The following DGCR2 variants were observed in gnomAD, a reference collection of about 807,000 sequenced individuals.
The protein encoded by DGCR2 is integral membrane protein DGCR2/IDD.
In DGCR2, 24 loss-of-function variants were observed where a neutral mutation model predicts 51.6. The observed-to-expected ratio is 0.47, with a 90% CI of 0.34 to 0.65. The LOEUF (loss-of-function observed/expected upper bound fraction) is 0.65, where lower values mean the gene tolerates loss of function less well. Ranked by LOEUF, DGCR2 falls within the 30% of genes least tolerant of loss-of-function variation. The pLI is 0.01. For missense variants in DGCR2, 765 were observed against 772.1 expected (o/e 0.99, Z 0.11); for synonymous variants, 340 against 315.4 (o/e 1.08, Z -0.82).
Position 19,102,249 on chromosome 22 carries a change from GT to G in DGCR2, c.80-12760del, listed in dbSNP as rs540036944. ...TTTAATAAGGATGGAAAGTAGAATG[GT>G]GGTTGCCAAGGACTAGGGGTGAGGA... On this transcript the variant is annotated intron_variant, in intron 1 of 9. Transcript: ENST00000263196. Among the ~76,000 whole-genome samples the G allele has an allele frequency of 6.5e-3, 993 of 152,310 alleles. 4 individuals are homozygous for G. The highest frequency in any genetic ancestry group is 0.011 in the Non-Finnish European group (745 of 68,026).
intron 1 of DGCR2, among the ~76,000 whole-genome samples, chr22:19,104,608 C>T (rs146812112): frequency 2.0e-5 from 3 of 152,286 alleles, no homozygotes; most frequent in Non-Finnish European, 2.9e-5. Context: ...CTACTCACAG[C>T]CCACTAAGAT....
At chr22:19,101,306 G>C (rs921933425) in intron 1 of DGCR2, among the ~76,000 whole-genome samples, 1 of 152,210 alleles carries the variant, frequency 6.6e-6, no homozygotes, top group African/African-American at 2.4e-5. Flanking sequence ...CCAAGAGGCA[G>C]AGACAACCCA....
intron 1 of DGCR2, among the ~76,000 whole-genome samples, chr22:19,105,893 G>A (rs1022812755): frequency 6.6e-6 from 1 of 151,580 alleles, no homozygotes; most frequent in East Asian, 1.9e-4. Context: ...TAACCTTCCC[G>A]CAAAGCCCCA....
rs761401054 is a variant in DGCR2 at position 19,041,321 on chromosome 22, AACAGAG to A, written c.1160-33_1160-28del. ...TGGGCCATCAAAAGTGTGCAACGGGAACAGAGACAAGTCACTGGGGGCAGGCTGCCT... is the reference window on the plus strand; with the variant it reads ...TGGGCCATCAAAAGTGTGCAACGGGAACAAGTCACTGGGGGCAGGCTGCCT... On this transcript the variant is annotated intron_variant, in intron 8 of 9. Coordinates refer to ENST00000263196, the MANE Select transcript of DGCR2 (RefSeq NM_005137.3). 4.8e-5 allele frequency: 77 copies of A among 1,606,742 alleles called. No homozygotes were observed. The Middle Eastern group carries it at 5.5e-4, about 11-fold the overall frequency.
intron 5 of DGCR2, chr22:19,061,434 G>C (rs1218819467): frequency 6.6e-6 from 1 of 152,254 alleles, no homozygotes; most frequent in African/African-American, 2.4e-5. Context: ...CAGACTCCAG[G>C]ATACTGGCTC....
chr22:19,119,365 C>A (rs1330510767), intron 1 of DGCR2, among the ~76,000 whole-genome samples: 1 of 152,188 alleles, frequency 6.6e-6, no homozygotes, highest in African/African-American at 2.4e-5. Context: ...GCAGGGACCT[C>A]TTGAGAGTTA....
Position 19,038,835 on chromosome 22 carries a change from C to T in DGCR2, c.*30G>A. On this transcript the variant is annotated 3_prime_UTR_variant, in exon 10 of 10. Transcript: ENST00000263196. ...GTGTTTTCTACAACAGACAGGTGCT[C>T]CCAGACCGTTGGGGTACAGGCCAGG... 1 of 1,600,916 alleles carries T rather than the reference C, an allele frequency of 6.2e-7. No individual in the cohort carries two copies.
At chr22:19,054,092 T>C (rs745992676) in intron 6 of DGCR2, among the ~76,000 whole-genome samples, 3 of 152,240 alleles carry the variant, frequency 2.0e-5, no homozygotes, top group Non-Finnish European at 2.9e-5. Context: ...AAGGATATTA[T>C]TGGAACGACT....
At position 19,054,150 on chromosome 22, in the gene DGCR2, C is replaced by CATGCT. The variant is rs1170587077; in HGVS notation, c.802+2831_802+2835dup. Among the ~76,000 whole-genome samples, 133 of 152,282 alleles carry CATGCT rather than the reference C, an allele frequency of 8.7e-4. 1 individual carries two copies. Among genetic ancestry groups the CATGCT allele is most frequent in the Non-Finnish European group, 4.4e-5 (3 of 68,028 alleles). On this transcript the variant is annotated intron_variant, in intron 6 of 9. Coordinates refer to ENST00000263196, the MANE Select transcript of DGCR2 (RefSeq NM_005137.3). ...GTGGATTACTGTATGGTACTGTATC[C>CATGCT]ATGCTAAGTGTTCTGATTTTGATCC...
intron 2 of DGCR2, among the ~76,000 whole-genome samples, chr22:19,075,631 T>C (rs5993501): frequency 0.23 from 35,681 of 152,150 alleles, 4,739 homozygotes; most frequent in African/African-American, 0.37. Context: ...TTCTACTTCC[T>C]GTATCTATGC....
intron 1 of DGCR2, among the ~76,000 whole-genome samples, chr22:19,107,392 A>G (rs543602142): frequency 2.0e-5 from 3 of 152,188 alleles, no homozygotes; most frequent in African/African-American, 7.2e-5. Flanking sequence ...ACAAGAACAA[A>G]GGGACAAGGC....
intron 1 of DGCR2, among the ~76,000 whole-genome samples, chr22:19,095,272 G>C (rs933236247): frequency 6.6e-6 from 1 of 152,136 alleles, no homozygotes; most frequent in African/African-American, 2.4e-5. Context: ...TGAGGCAGGA[G>C]AATCGCTTGA....
Position 19,038,208 on chromosome 22 carries a change from G to T in DGCR2, c.*657C>A, listed in dbSNP as rs1846262101. 1 of 152,818 alleles carries T rather than the reference G, an allele frequency of 6.5e-6. No individual in the cohort carries two copies. The highest frequency in any genetic ancestry group is 2.4e-5 in the African/African-American group (1 of 41,468). 9.5% of individuals were successfully genotyped at this position (152,818 alleles called of 1,614,324 possible). On this transcript the variant is annotated 3_prime_UTR_variant, in exon 10 of 10. Transcript: ENST00000263196. The stretch of plus-strand genomic sequence containing the variant: ...AGCCCAGATGGAAAGACACAGTGAA[G>T]AGCTCAACCTCCTTCCAAGCTCTCC...
intron 6 of DGCR2, among the ~76,000 whole-genome samples, chr22:19,056,756 G>A (rs550780308): frequency 7.8e-4 from 118 of 152,166 alleles, no homozygotes; most frequent in Non-Finnish European, 7.4e-4. Context: ...TGTCTCTTCC[G>A]TGGGAAAAGA....
At chr22:19,119,115 A>T (rs1268085879) in intron 1 of DGCR2, among the ~76,000 whole-genome samples, 5 of 152,136 alleles carry the variant, frequency 3.3e-5, no homozygotes, top group Admixed American at 3.3e-4. Context: ...CCTGGGACCT[A>T]ACAGGGGACA....
intron 4 of DGCR2, 29 bp downstream of exon 4, chr22:19,064,819 G>A (rs765744644): frequency 6.2e-7 from 1 of 1,600,696 alleles, no homozygotes; most frequent in Non-Finnish European, 8.5e-7. Context: ...TCTGACTCCA[G>A]CCCCTCAGGT....
intron 2 of DGCR2, among the ~76,000 whole-genome samples, chr22:19,073,698 T>C (rs1414541403): frequency 6.6e-6 from 1 of 152,256 alleles, no homozygotes; most frequent in African/African-American, 2.4e-5. Context: ...TTCTAGCTTA[T>C]GATTCTAAAA....
chr22:19,076,571 C>T (rs1244587693), intron 2 of DGCR2, among the ~76,000 whole-genome samples: 7 of 152,090 alleles, frequency 4.6e-5, no homozygotes, highest in African/African-American at 1.7e-4. Flanking sequence ...TCTAAATCCT[C>T]GTCAACACTT....
intron 2 of DGCR2, among the ~76,000 whole-genome samples, chr22:19,082,602 T>C (rs955429739): frequency 6.6e-6 from 1 of 151,316 alleles, no homozygotes; most frequent in African/African-American, 2.4e-5. Flanking sequence ...ATACAAAAAT[T>C]AGACGAGCGT....
Sources: allele counts gnomAD v4.1 joint callset (sites outside exome capture counted in the v4.1 genomes callset), GRCh38; gene constraint gnomAD v4.1.1; transcripts MANE v1.5; gene names NCBI Gene and HGNC (gene_info 2026-07-23, HGNC 2026-07-21).